The following EXTL3 variants were observed in gnomAD, a reference collection of about 807,000 sequenced individuals.
EXTL3 encodes exostosin like glycosyltransferase 3.
A neutral mutation model predicts 69.3 loss-of-function variants in EXTL3; 27 were observed. That is an observed-to-expected ratio of 0.39 (90% CI 0.29 to 0.54). EXTL3 has a LOEUF of 0.54. Ranked by LOEUF, EXTL3 falls within the 20% of genes least tolerant of loss-of-function variation. EXTL3 has a pLI of 0.69. For synonymous variants in EXTL3, 511 were observed against 499.4 expected (o/e 1.02, Z -0.31); for missense variants, 1,003 against 1,231.8 (o/e 0.81, Z 2.78).
At chr8:28,720,794 T>C (rs1255267050) in intron 3 of EXTL3, among the ~76,000 whole-genome samples, 1 of 152,188 alleles carries the variant, frequency 6.6e-6, no homozygotes, top group Non-Finnish European at 1.5e-5. Context: ...CTCTCTCCCT[T>C]GCTCTTGTAT....
intron 1 of EXTL3, among the ~76,000 whole-genome samples, chr8:28,709,852 A>G (rs1264975608): frequency 3.3e-5 from 5 of 152,138 alleles, no homozygotes; most frequent in Non-Finnish European, 4.4e-5. Flanking sequence ...GAGAAGGTGA[A>G]GGGGAACACC....
intron 1 of EXTL3, chr8:28,678,085 G>C (rs1716745369): frequency 6.6e-6 from 1 of 152,362 alleles, no homozygotes; most frequent in South Asian, 2.1e-4. Flanking sequence ...CTTGGTCATA[G>C]GCATAGTCGC....
At chr8:28,729,442 A>C (rs2130768373) in intron 3 of EXTL3, among the ~76,000 whole-genome samples, 1 of 151,186 alleles carries the variant, frequency 6.6e-6, no homozygotes, top group East Asian at 1.9e-4. Context: ...TAAAAATGCA[A>C]AAAAATAGCC....
chr8:28,678,461 C>T (rs1807424800), intron 1 of EXTL3, among the ~76,000 whole-genome samples: 1 of 152,054 alleles, frequency 6.6e-6, no homozygotes, highest in Non-Finnish European at 1.5e-5. Flanking sequence ...CTATTAGTTT[C>T]TGAGAGAACT....
chr8:28,646,712 G>C (rs1322622648), intron 1 of EXTL3, among the ~76,000 whole-genome samples: 1 of 152,112 alleles, frequency 6.6e-6, no homozygotes, highest in Non-Finnish European at 1.5e-5. Context: ...TGACAGCCTG[G>C]GTTCACATGC....
intron 1 of EXTL3, chr8:28,710,481 A>C: frequency 2.2e-6 from 1 of 456,324 alleles, no homozygotes; most frequent in Admixed American, 2.3e-5. Flanking sequence ...AACGCAAGAC[A>C]CTTTGATAGG....
Position 28,750,174 on chromosome 8 carries a change from C to T in EXTL3, c.2551-483C>T, listed in dbSNP as rs1029252089. ...ATATGACTAGACTGTAGTATGGCCA[C>T]TTTCCCATGGCTTTAAATGTAGTTA... is the stretch of plus-strand genomic sequence containing the variant. On this transcript the variant is annotated intron_variant, in intron 6 of 6. Coordinates refer to ENST00000220562, the MANE Select transcript of EXTL3 (RefSeq NM_001440.4). This position sits in a 1 kb window ranked among gnomAD's most constrained non-coding sequence, Gnocchi z 5.2. Among the ~76,000 whole-genome samples, 3 of 152,138 alleles carry T rather than the reference C, an allele frequency of 2.0e-5. No individual in the cohort carries two copies. The highest frequency in any genetic ancestry group is 4.4e-5 in the Non-Finnish European group (3 of 68,038).
chr8:28,731,137 ATGGTCTCCT>A (rs1293075779), intron 3 of EXTL3, 77 bp from the exon 4 acceptor site: 4 of 1,548,044 alleles, frequency 2.6e-6, no homozygotes, highest in Non-Finnish European at 3.6e-6. Context: ...AAATCCAGCC[ATGGTCTCCT>A]TGGACCTAAA....
chr8:28,654,501 C>T (rs958493872), intron 1 of EXTL3, among the ~76,000 whole-genome samples: 1 of 151,922 alleles, frequency 6.6e-6, no homozygotes, highest in African/African-American at 2.4e-5. Context: ...ACCTTGGCCA[C>T]CTGAGTAGCT....
intron 6 of EXTL3, among the ~76,000 whole-genome samples, chr8:28,748,300 G>A (rs1801931242): frequency 6.6e-6 from 1 of 151,898 alleles, no homozygotes; most frequent in African/African-American, 2.4e-5. Context: ...AAACCTGGGA[G>A]GCGGAGTTCG....
chr8:28,675,741 G>T (rs1343921685), intron 1 of EXTL3, among the ~76,000 whole-genome samples: 2 of 152,188 alleles, frequency 1.3e-5, no homozygotes, highest in Non-Finnish European at 1.5e-5. Context: ...GTTGAATCTG[G>T]CTGGGCGCGG....
At chr8:28,720,801 G>A (rs1451395031) in intron 3 of EXTL3, among the ~76,000 whole-genome samples, 1 of 152,194 alleles carries the variant, frequency 6.6e-6, no homozygotes, top group Non-Finnish European at 1.5e-5. Context: ...CCTTGCTCTT[G>A]TATATTTTGT....
chr8:28,702,836 C>G (rs777174067), intron 1 of EXTL3, among the ~76,000 whole-genome samples: 1 of 152,060 alleles, frequency 6.6e-6, no homozygotes, highest in Non-Finnish European at 1.5e-5. Context: ...TTTTTAAAGG[C>G]TTTGTGTGTT....
At chr8:28,677,956 G>A (rs1380656196) in intron 1 of EXTL3, 1 of 152,250 alleles carries the variant, frequency 6.6e-6, no homozygotes, top group African/African-American at 2.4e-5. Flanking sequence ...TACAGTCACA[G>A]GAATCAGACT....
At position 28,681,361 on chromosome 8, in the gene EXTL3, C is replaced by CA. The variant is rs1807484785; in HGVS notation, c.-52-32089dup. Among the ~76,000 whole-genome samples, 4 of 150,630 alleles carry CA rather than the reference C, an allele frequency of 2.7e-5. 1 individual carries two copies. In the South Asian group the frequency reaches 6.3e-4, roughly 24 times the overall value. On this transcript the variant is annotated intron_variant, in intron 1 of 6. Transcript: ENST00000523149. ...GAAACCCTGTCTCTACTAAAAATAG[C>CA]AAAAAAATTAGCTGGGCATGGTGGC...
At chr8:28,702,154 C>T (rs1800819274) in intron 1 of EXTL3, among the ~76,000 whole-genome samples, 1 of 152,150 alleles carries the variant, frequency 6.6e-6, no homozygotes, top group Non-Finnish European at 1.5e-5. Flanking sequence ...CACACCTTCC[C>T]ACATCTGCCC....
chr8:28,628,213 T>C (rs1368188682), intron 1 of EXTL3, among the ~76,000 whole-genome samples: 1 of 151,954 alleles, frequency 6.6e-6, no homozygotes, highest in Non-Finnish European at 1.5e-5. Context: ...AACACAAAAA[T>C]AATCTGGATG....
At chr8:28,621,018 G>A (rs912094516), upstream of EXTL3, among the ~76,000 whole-genome samples, 1 of 152,118 alleles carries the variant, frequency 6.6e-6, no homozygotes, top group Non-Finnish European at 1.5e-5. Context: ...CCCATTGTTG[G>A]CTTTTTGATA....
At chr8:28,621,027 T>C (rs1389141776), upstream of EXTL3, among the ~76,000 whole-genome samples, 2 of 152,358 alleles carry the variant, frequency 1.3e-5, no homozygotes, top group East Asian at 1.9e-4. Flanking sequence ...GGCTTTTTGA[T>C]ACATTTAAGA....
Sources: allele counts gnomAD v4.1 joint callset (sites outside exome capture counted in the v4.1 genomes callset), GRCh38; gene constraint gnomAD v4.1.1; non-coding constraint Gnocchi (gnomAD v3.1); transcripts MANE v1.5; gene names NCBI Gene and HGNC (gene_info 2026-07-23, HGNC 2026-07-21).